The following SERPINF1 variants were observed in gnomAD, a reference collection of about 807,000 sequenced individuals.
SERPINF1 encodes pigment epithelium-derived factor.
SERPINF1 carries 29 observed loss-of-function variants against 37.3 expected under a neutral mutation model. The observed-to-expected ratio is 0.78, with a 90% CI of 0.58 to 1.06. The LOEUF is 1.06. SERPINF1 is among the 50% of genes least tolerant of loss of function. The pLI, the probability that SERPINF1 is intolerant of heterozygous loss-of-function variation, is 0.00. For missense variants in SERPINF1, 553 were observed against 532.2 expected (o/e 1.04, Z -0.38); for synonymous variants, 281 against 227.9 (o/e 1.23, Z -2.10).
rs1458955573 is a variant in SERPINF1 at position 1,775,095 on chromosome 17, C to G, written c.681C>G (p.Ser227=). The G allele has an allele frequency of 3.7e-6, 6 of 1,613,930 alleles. No individual in the cohort carries two copies. Among genetic ancestry groups the G allele is most frequent in the African/African-American group, 2.7e-5 (2 of 74,864 alleles). ...CAAAGTTTGACTCCAGAAAGACTTC[C>G]CTCGAGGATTTCTACTTGGATGAAG... ...WVTKFDSRKT[S]LEDFYLDEER... is the part of the protein sequence containing the mutation. Residue 227 remains serine (S), a synonymous_variant, in exon 6 of 8, where the codon TCC becomes TCG. Coordinates refer to ENST00000254722, the MANE Select transcript of SERPINF1 (RefSeq NM_002615.7).
At position 1,770,047 on chromosome 17, in the gene SERPINF1, C is replaced by T. The variant is rs550540312; in HGVS notation, c.280C>T (p.Leu94=). Residue 94 remains leucine, a synonymous_variant, in exon 3 of 8, where the codon CTG becomes TTG. Transcript: ENST00000254722. The part of the protein sequence containing the change: ...SVATALSALS[L]GAEQRTESII... ...GGCCACGGCCCTCTCGGCCCTCTCG[C>T]TGGGTGAGTGCTCAGATGCAGGAAG... is the stretch of plus-strand genomic sequence containing the variant. 3.1e-6 allele frequency: 5 copies of T among 1,614,124 alleles called. No individual in the cohort carries two copies. The South Asian group carries it at 3.3e-5, about 11-fold the overall frequency.
Position 1,777,506 on chromosome 17 carries a change from G to A in SERPINF1, c.*60G>A. 2 of 1,607,380 alleles carry A rather than the reference G, an allele frequency of 1.2e-6. No individual in the cohort carries two copies. The highest frequency in any genetic ancestry group is 8.5e-7 in the Non-Finnish European group (1 of 1,175,038). On this transcript the variant is annotated 3_prime_UTR_variant, in exon 8 of 8. Coordinates refer to ENST00000254722, the MANE Select transcript of SERPINF1 (RefSeq NM_002615.7). The stretch of plus-strand genomic sequence containing the variant: ...AACCCGAGGGACAGCAGATTCCACA[G>A]GACACGAAGGCTGCCCCTGTAAGGT...
chr17:1,774,383 A>G lies in SERPINF1; in HGVS notation c.644-675A>G, dbSNP rs556133370. 5.3e-5 allele frequency among the ~76,000 whole-genome samples: 8 copies of G among 152,234 alleles called. No homozygotes were observed. In the East Asian group the frequency reaches 9.6e-4, roughly 18 times the overall value. The stretch of plus-strand genomic sequence containing the variant: ...GCTAGTTTTTGTATTTTCAGTAGAG[A>G]TGGGGTTTCGCCATGCTGGCCAGGC... On this transcript the variant is annotated intron_variant, in intron 5 of 7. Transcript: ENST00000254722.
chr17:1,774,670 C>T (rs759793274), intron 5 of SERPINF1, among the ~76,000 whole-genome samples: 2 of 152,100 alleles, frequency 1.3e-5, no homozygotes, highest in Non-Finnish European at 2.9e-5. Flanking sequence ...TCATGTTGGC[C>T]AGGCTGGTCT....
intron 3 of SERPINF1, 50 bp from the exon 4 acceptor site, chr17:1,770,979 T>C: frequency 6.2e-7 from 1 of 1,612,386 alleles, no homozygotes; most frequent in Non-Finnish European, 8.5e-7. Context: ...GGGGCTTGAT[T>C]TGGGGCCCTG....
intron 5 of SERPINF1, among the ~76,000 whole-genome samples, chr17:1,774,462 T>A (rs960795826): frequency 1.3e-5 from 2 of 152,106 alleles, no homozygotes; most frequent in Non-Finnish European, 1.5e-5. Flanking sequence ...CCTCCCAAAG[T>A]GCTGAGATTA....
chr17:1,765,852 G>A (rs943277084), intron 1 of SERPINF1, among the ~76,000 whole-genome samples: 23 of 130,888 alleles, frequency 1.8e-4, no homozygotes, highest in Non-Finnish European at 2.8e-4. Context: ...GGGCAGCACA[G>A]CAAGATCTTG....
chr17:1,773,018 G>T (rs561621036), intron 5 of SERPINF1, among the ~76,000 whole-genome samples: 28 of 152,284 alleles, frequency 1.8e-4, no homozygotes, highest in Non-Finnish European at 2.9e-4. Flanking sequence ...CATCAGAAGG[G>T]GCTTGGAAAG....
In SERPINF1 at chr17:1,775,111, TTGGA is replaced by T. The variant is rs1243184701; in HGVS notation, c.700_703del (p.Asp234LysfsTer5). 6.2e-7 allele frequency: 1 copy of T among 1,614,070 alleles called. No individual in the cohort carries two copies. The highest frequency in any genetic ancestry group is 8.5e-7 in the Non-Finnish European group (1 of 1,179,998). On this transcript the variant is annotated frameshift_variant, in exon 6 of 8. Transcript: ENST00000254722. LOFTEE classifies it high-confidence loss of function. ...AAAGACTTCCCTCGAGGATTTCTAC[TTGGA>T]TGAAGAGAGGACCGTGAGGGTCCCC...
At position 1,775,225 on chromosome 17, in the gene SERPINF1, G is replaced by A. The variant is rs200844985; in HGVS notation, c.786+25G>A. 3.7e-6 allele frequency: 6 copies of A among 1,606,852 alleles called. 1 individual carries two copies. The highest frequency in any genetic ancestry group is 3.3e-5 in the South Asian group (3 of 90,902). ...GGTCTGTAGGGATAGGGGCAGGGTG[G>A]GGGGTGGATGGAGGGAGAGGATAGA... On this transcript the variant is annotated intron_variant, in intron 6 of 7. Transcript: ENST00000254722.
In SERPINF1 at chr17:1,776,754, G is replaced by A. The variant is rs376447025; in HGVS notation, c.997+12G>A. The A allele has an allele frequency of 3.3e-4, 528 of 1,613,222 alleles. No individual in the cohort carries two copies. The highest frequency in any genetic ancestry group is 4.2e-4 in the Non-Finnish European group (495 of 1,179,646). ...CCTGCAGGAGATGAGTATGTCTGAA[G>A]ACCCTTTCGCTCTTGGTGGGTGGAT... On this transcript the variant is annotated intron_variant, in intron 7 of 7. Coordinates refer to ENST00000254722, the MANE Select transcript of SERPINF1 (RefSeq NM_002615.7).
intron 2 of SERPINF1, among the ~76,000 whole-genome samples, chr17:1,768,234 AT>A (rs1393063626): frequency 6.6e-6 from 1 of 151,930 alleles, no homozygotes; most frequent in Non-Finnish European, 1.5e-5. Context: ...GATCGAGACC[AT>A]CCTGGCTAAC....
chr17:1,771,796 G>A (rs376671630), intron 4 of SERPINF1, 76 bp from the exon 5 acceptor site: 8 of 1,467,370 alleles, frequency 5.5e-6, no homozygotes, highest in Admixed American at 5.2e-5. Flanking sequence ...ACCAGAACCC[G>A]AGCCTGGCAG....
chr17:1,769,357 C>T (rs1022077371), intron 2 of SERPINF1, among the ~76,000 whole-genome samples: 5 of 149,664 alleles, frequency 3.3e-5, no homozygotes, highest in Admixed American at 6.7e-5. Flanking sequence ...TGCAGTGAGC[C>T]GAGATCACGC....
chr17:1,775,071 A>C lies in SERPINF1; in HGVS notation c.657A>C (p.Thr219=), dbSNP rs760046547. Residue 219 remains threonine, a synonymous_variant, in exon 6 of 8, where the codon ACA becomes ACC. Coordinates refer to ENST00000254722, the MANE Select transcript of SERPINF1 (RefSeq NM_002615.7). ...GVAHFKGQWV[T]KFDSRKTSLE... Reference sequence around the variant, plus strand: ...ACTTCTTTCCAGGGCAGTGGGTAACAAAGTTTGACTCCAGAAAGACTTCCC... The same window carrying C: ...ACTTCTTTCCAGGGCAGTGGGTAACCAAGTTTGACTCCAGAAAGACTTCCC... The C allele has an allele frequency of 6.2e-7, 1 of 1,614,106 alleles. No homozygotes were observed. Among genetic ancestry groups the C allele is most frequent in the East Asian group, 2.2e-5 (1 of 44,874 alleles).
rs142630092 is a variant in SERPINF1 at position 1,770,676 on chromosome 17, T to C, written c.284-353T>C. 3.0e-3 allele frequency: 990 copies of C among 332,354 alleles called. 5 individuals are homozygous for C. The highest frequency in any genetic ancestry group is 0.022 in the Middle Eastern group (20 of 916). The allele number at this position is 332,354 out of a possible 1,614,324, so 20.6% of individuals were successfully genotyped here. ...GGTTTCACCATGTTGCCTAGGCTGG[T>C]CTCAAACTCCCGGGCTCAAGCGATC... On this transcript the variant is annotated intron_variant, in intron 3 of 7. Coordinates refer to ENST00000254722, the MANE Select transcript of SERPINF1 (RefSeq NM_002615.7).
chr17:1,777,070 CAGGCCTCAGAGAA>C (rs1323213338), intron 7 of SERPINF1, 104 bp from the exon 8 acceptor site: 13 of 1,525,894 alleles, frequency 8.5e-6, no homozygotes, highest in South Asian at 2.3e-5. Flanking sequence ...CAGACCTCTT[CAGGCCTCAGAGAA>C]AGTCAACAGT....
chr17:1,771,212 C>T, intron 4 of SERPINF1, 28 bp downstream of exon 4: 1 of 1,610,842 alleles, frequency 6.2e-7, no homozygotes, highest in African/African-American at 1.3e-5. Flanking sequence ...CCCAAGTTGC[C>T]TGAGGCATGT....
chr17:1,767,190 C>T (rs558476462), intron 2 of SERPINF1, among the ~76,000 whole-genome samples, 196 bp downstream of exon 2: 105 of 152,296 alleles, frequency 6.9e-4, no homozygotes, highest in Middle Eastern at 3.4e-3. Flanking sequence ...GGAGTAGGGA[C>T]ATGAATAAGA....
Sources: allele counts gnomAD v4.1 joint callset (sites outside exome capture counted in the v4.1 genomes callset), GRCh38; gene constraint gnomAD v4.1.1; transcripts MANE v1.5; gene names NCBI Gene and HGNC (gene_info 2026-07-23, HGNC 2026-07-21).